Variants in MAGI2 observed in about 807,000 individuals in gnomAD.
MAGI2 encodes the protein membrane associated guanylate kinase, WW and PDZ domain containing 2.
In MAGI2, 35 loss-of-function variants were observed where a neutral mutation model predicts 133.3. The ratio of observed to expected loss-of-function variants is 0.26; its 90% CI spans 0.20 to 0.35. The LOEUF (loss-of-function observed/expected upper bound fraction) is 0.35, where lower values mean the gene tolerates loss of function less well. Among genes scored for constraint, MAGI2 ranks in the 10% least tolerant of loss-of-function variants. MAGI2 has a pLI of 1.00. For missense variants in MAGI2, 1,636 were observed against 1,863.4 expected (o/e 0.88, Z 2.25); for synonymous variants, 729 against 710.6 (o/e 1.03, Z -0.41).
intron 2 of MAGI2, among the ~76,000 whole-genome samples, chr7:78,655,453 C>CAAA (rs1563304915): frequency 2.1e-5 from 1 of 48,364 alleles, no homozygotes; most frequent in African/African-American, 7.4e-5. Flanking sequence ...AAAAAAACAA[C>CAAA]CAAAAAAAAA....
intron 6 of MAGI2, among the ~76,000 whole-genome samples, chr7:78,462,111 AC>A (rs1274677091): frequency 5.3e-5 from 8 of 152,062 alleles, no homozygotes. Context: ...CTTATTTAAA[AC>A]TCAATTTTTG....
chr7:78,487,745 TG>T (rs1463719772), intron 6 of MAGI2, among the ~76,000 whole-genome samples: 3 of 152,150 alleles, frequency 2.0e-5, no homozygotes, highest in Admixed American at 6.5e-5. Context: ...AAATCTTTGC[TG>T]GAAAAAGATA....
intron 2 of MAGI2, among the ~76,000 whole-genome samples, chr7:78,861,483 A>G (rs1178050178): frequency 1.3e-5 from 2 of 152,198 alleles, no homozygotes; most frequent in Non-Finnish European, 2.9e-5. Context: ...AATTTTATAT[A>G]TGACTCCCCC....
chr7:78,708,803 A>AAAT (rs1407278836), intron 2 of MAGI2, among the ~76,000 whole-genome samples: 1 of 152,162 alleles, frequency 6.6e-6, no homozygotes, highest in Non-Finnish European at 1.5e-5. Context: ...TAAGTCTCAT[A>AAAT]AATAGTAATT....
chr7:78,512,531 G>A (rs1484554246), intron 4 of MAGI2, among the ~76,000 whole-genome samples: 2 of 152,064 alleles, frequency 1.3e-5, no homozygotes, highest in African/African-American at 2.4e-5. Context: ...TCAGTCTCCC[G>A]AGTAACTGGG....
chr7:78,910,146 G>A (rs1798299314), intron 2 of MAGI2, among the ~76,000 whole-genome samples: 1 of 152,044 alleles, frequency 6.6e-6, no homozygotes, highest in African/African-American at 2.4e-5. Context: ...GGGGTGGGTG[G>A]CGAGGGGAGG....
chr7:79,119,710 T>C (rs1819719836), intron 1 of MAGI2, among the ~76,000 whole-genome samples: 1 of 152,018 alleles, frequency 6.6e-6, no homozygotes, highest in Admixed American at 6.6e-5. Flanking sequence ...TCTCATTCCT[T>C]AATACTGTAC....
chr7:79,244,641 G>C (rs1320430566), intron 1 of MAGI2, among the ~76,000 whole-genome samples: 1 of 152,162 alleles, frequency 6.6e-6, no homozygotes, highest in Non-Finnish European at 1.5e-5. Context: ...TCAGGCTAAT[G>C]ACTCTGGAGT....
chr7:78,393,298 T>C (rs1224092769), intron 6 of MAGI2, among the ~76,000 whole-genome samples: 1 of 152,128 alleles, frequency 6.6e-6, no homozygotes, highest in African/African-American at 2.4e-5. Context: ...AGATGGGATT[T>C]TGAATCTGGA....
chr7:79,067,124 G>A (rs75675420), intron 1 of MAGI2, among the ~76,000 whole-genome samples: 1 of 152,158 alleles, frequency 6.6e-6, no homozygotes, highest in Non-Finnish European at 1.5e-5. Flanking sequence ...ATATAAAGTA[G>A]TTTTATCCAA....
intron 1 of MAGI2, among the ~76,000 whole-genome samples, chr7:79,419,038 T>C (rs896752745): frequency 6.6e-6 from 1 of 152,056 alleles, no homozygotes; most frequent in East Asian, 1.9e-4. Flanking sequence ...GAAACTCACT[T>C]TTAGGTAAAC....
chr7:79,228,971 T>A (rs1585259423), intron 1 of MAGI2, among the ~76,000 whole-genome samples: 1 of 152,212 alleles, frequency 6.6e-6, no homozygotes, highest in Non-Finnish European at 1.5e-5. Context: ...TGGCAATGAA[T>A]GCGAATTTTA....
Position 78,361,308 on chromosome 7 carries a change from G to T in MAGI2, c.1103+7848C>A, listed in dbSNP as rs184360067. 2.2e-4 allele frequency among the ~76,000 whole-genome samples: 34 copies of T among 151,530 alleles called. No individual in the cohort carries two copies. In the East Asian group the frequency reaches 4.9e-3, roughly 22 times the overall value. On this transcript the variant is annotated intron_variant, in intron 7 of 21. Coordinates refer to ENST00000354212, the MANE Select transcript of MAGI2 (RefSeq NM_012301.4). ...ACTTGGGGGGCTGAGGCAGAGAACT[G>T]CTTGAAACCGGGAGGCGGAGCTTGC...
At chr7:78,249,760 A>G (rs113776770) in intron 10 of MAGI2, among the ~76,000 whole-genome samples, 3 of 152,208 alleles carry the variant, frequency 2.0e-5, no homozygotes, top group African/African-American at 7.2e-5. Context: ...AGTTACTGTT[A>G]GGAGAAAATA....
chr7:78,406,922 AC>A (rs931501877), intron 6 of MAGI2, among the ~76,000 whole-genome samples: 2 of 152,048 alleles, frequency 1.3e-5, no homozygotes, highest in African/African-American at 4.8e-5. Context: ...GATTATACAC[AC>A]CATAAACATT....
intron 6 of MAGI2, among the ~76,000 whole-genome samples, chr7:78,415,762 G>A (rs1157652108): frequency 1.3e-5 from 2 of 152,046 alleles, no homozygotes; most frequent in East Asian, 3.9e-4. Context: ...TGAAGAAGTG[G>A]CGTCTTTTAA....
chr7:78,383,952 T>C (rs1034836313), intron 6 of MAGI2, among the ~76,000 whole-genome samples: 1 of 152,188 alleles, frequency 6.6e-6, no homozygotes, highest in African/African-American at 2.4e-5. Context: ...TATTGGTCTA[T>C]GTATCCATTT....
At chr7:78,604,947 T>C (rs38095) in intron 3 of MAGI2, among the ~76,000 whole-genome samples, 99,662 of 152,034 alleles carry the variant, frequency 0.66, 33,871 homozygotes, top group Non-Finnish European at 0.76. Context: ...CCCCTCATAT[T>C]TTATGTATCC....
intron 5 of MAGI2, among the ~76,000 whole-genome samples, chr7:78,490,779 T>C (rs1443938074): frequency 6.6e-6 from 1 of 152,102 alleles, no homozygotes; most frequent in Non-Finnish European, 1.5e-5. Flanking sequence ...GGAGCTAAAA[T>C]GTTTACTGTG....
Sources: gnomAD v4.1 joint callset for allele counts (sites outside exome capture counted in the v4.1 genomes callset) on GRCh38, gnomAD v4.1.1 for gene constraint, MANE v1.5 for transcripts, NCBI Gene and HGNC (gene_info 2026-07-23, HGNC 2026-07-21) for gene names.